Variants in PCBP2 observed in about 807,000 individuals in gnomAD.
PCBP2 encodes the protein poly(rC) binding protein 2.
PCBP2 carries 4 observed loss-of-function variants against 50.1 expected under a neutral mutation model. That is an observed-to-expected ratio of 0.08 (90% CI 0.04 to 0.18). The LOEUF is 0.18. PCBP2 is among the 10% of genes least tolerant of loss of function. PCBP2 has a pLI of 1.00. For synonymous variants in PCBP2, 179 were observed against 168.0 expected, an observed-to-expected ratio of 1.07 and a Z score of -0.51; for missense variants, 161 against 474.3, an observed-to-expected ratio of 0.34 and a Z score of 6.14.
At position 53,478,324 on chromosome 12, in the gene PCBP2, A is replaced by G. The variant is rs548183317; in HGVS notation, c.1053-1082A>G. Among the ~76,000 whole-genome samples, 182 of 152,068 alleles carry G rather than the reference A, an allele frequency of 1.2e-3. 1 individual carries two copies. The highest frequency in any genetic ancestry group is 4.5e-3 in the Admixed American group (68 of 15,272). On this transcript the variant is annotated intron_variant, in intron 14 of 14. Transcript: ENST00000546463. ...GAAGTTTGAGACCAGCCTGGCCAAC[A>G]TGGTGAAACTCTGTCTCTACTGAAA...
chr12:53,475,448 CTCT>C (rs1444846989), intron 14 of PCBP2: 7 of 285,262 alleles, frequency 2.5e-5, no homozygotes, highest in Admixed American at 5.0e-5. Context: ...CCACAGTTTT[CTCT>C]TCTTTCTTGT....
chr12:53,474,251 A>C (rs773600838), intron 14 of PCBP2, among the ~76,000 whole-genome samples: 2 of 152,216 alleles, frequency 1.3e-5, no homozygotes, highest in Non-Finnish European at 2.9e-5. Context: ...GTTCTTATCT[A>C]CACTTCTGTT....
At position 53,481,129 on chromosome 12, in the gene PCBP2, A is replaced by G. The variant is rs1943021580; in HGVS notation, c.*1687A>G. 3.0e-6 allele frequency: 2 copies of G among 671,240 alleles called. No individual in the cohort carries two copies. The highest frequency in any genetic ancestry group is 4.0e-6 in the Non-Finnish European group (2 of 494,678). The allele number at this position is 671,240 out of a possible 1,614,324, so 41.6% of individuals were successfully genotyped here. A position where few individuals can be genotyped will look rare whatever the true frequency, so the allele number is the denominator to read the frequency against. On this transcript the variant is annotated 3_prime_UTR_variant, in exon 15 of 15. Transcript: ENST00000546463. ...GGCGCATATATATATATATATGTAT[A>G]TATATATAATTTATATAAATATTTC...
At chr12:53,468,041 C>G (rs1404205393) in intron 12 of PCBP2, 198 bp downstream of exon 12, 1 of 586,960 alleles carries the variant, frequency 1.7e-6, no homozygotes, top group African/African-American at 1.9e-5. Flanking sequence ...AATGATGAGA[C>G]AGCAGCCATA....
intron 9 of PCBP2, among the ~76,000 whole-genome samples, chr12:53,465,360 G>A (rs1941745987): frequency 6.6e-6 from 1 of 152,140 alleles, no homozygotes; most frequent in South Asian, 2.1e-4. Context: ...GAGAAGACAG[G>A]AATTAGAACC....
At chr12:53,470,983 G>A (rs897542441) in intron 13 of PCBP2, among the ~76,000 whole-genome samples, 3 of 152,088 alleles carry the variant, frequency 2.0e-5, no homozygotes, top group Admixed American at 6.5e-5. Context: ...CAGAAATAAT[G>A]AAGAGCTAAT....
At chr12:53,472,751 A>G (rs1047824062) in intron 14 of PCBP2, among the ~76,000 whole-genome samples, 2 of 152,126 alleles carry the variant, frequency 1.3e-5, no homozygotes, top group Non-Finnish European at 1.5e-5. Flanking sequence ...GACCATGTAT[A>G]TATGCTATGG....
At chr12:53,473,088 CT>C (rs774571257) in intron 14 of PCBP2, among the ~76,000 whole-genome samples, 2,037 of 143,256 alleles carry the variant, frequency 0.014, 18 homozygotes, top group African/African-American at 0.042. Flanking sequence ...GTTTTTCTTT[CT>C]TTTTTTTTTT....
intron 6 of PCBP2, chr12:53,459,730 A>C (rs968448804): frequency 3.5e-6 from 1 of 282,528 alleles, no homozygotes; most frequent in Admixed American, 4.4e-5. Context: ...TATAGTAGCA[A>C]CGGTTTTTCT....
intron 14 of PCBP2, among the ~76,000 whole-genome samples, chr12:53,472,433 T>C (rs892561813): frequency 2.6e-5 from 4 of 152,194 alleles, no homozygotes; most frequent in African/African-American, 7.2e-5. Flanking sequence ...CCCTTATCCA[T>C]AGCTAGGTAG....
At position 53,464,861 on chromosome 12, in the gene PCBP2, G is replaced by A. The variant is rs1462194006; in HGVS notation, c.672+9G>A. On this transcript the variant is annotated intron_variant, in intron 9 of 14. Transcript: ENST00000546463. Reference sequence around the variant, plus strand: ...AGGGACCACCTCTAGAGGTGAGAGGGGATGTTCAGTCTCCAAGGCTCACTC... The same window carrying A: ...AGGGACCACCTCTAGAGGTGAGAGGAGATGTTCAGTCTCCAAGGCTCACTC... 1 of 1,595,182 alleles carries A rather than the reference G, an allele frequency of 6.3e-7. No individual in the cohort carries two copies. Among genetic ancestry groups the A allele is most frequent in the Non-Finnish European group, 8.5e-7 (1 of 1,173,664 alleles).
At position 53,452,646 on chromosome 12, in the gene PCBP2, G is replaced by T. The variant is rs530172820; in HGVS notation, c.-76+270G>T. ...GTCAGGGAGGGCGCGCGCGCGGTAG[G>T]GGGGGCGGCGGTGGATTTGTTGGTT... is the stretch of plus-strand genomic sequence containing the variant. On this transcript the variant is annotated intron_variant, in intron 1 of 14. Transcript: ENST00000546463. 2.7e-4 allele frequency among the ~76,000 whole-genome samples: 41 copies of T among 151,852 alleles called. 1 individual carries two copies. Among genetic ancestry groups the T allele is most frequent in the Admixed American group, 7.2e-4 (11 of 15,286 alleles).
At position 53,452,149 on chromosome 12, in the gene PCBP2, C is replaced by T. The variant is rs1385403475; in HGVS notation, c.-303C>T. Reference sequence around the variant, plus strand: ...CCGGAGCAGCCGCAGCCTGCGCCCTCTCCCGCCCGCCCGCCCTCCGCCCGC... The same window carrying T: ...CCGGAGCAGCCGCAGCCTGCGCCCTTTCCCGCCCGCCCGCCCTCCGCCCGC... On this transcript the variant is annotated 5_prime_UTR_variant, in exon 1 of 15. Coordinates refer to ENST00000546463, the MANE Select transcript of PCBP2 (RefSeq NM_031989.5). The T allele has an allele frequency of 2.2e-5, 3 of 138,036 alleles. No individual in the cohort carries two copies. The highest frequency in any genetic ancestry group is 5.3e-5 in the African/African-American group (2 of 38,080). The allele number at this position is 138,036 out of a possible 1,614,324, so 8.6% of individuals were successfully genotyped here. A position where few individuals can be genotyped will look rare whatever the true frequency, so the allele number is the denominator to read the frequency against.
intron 4 of PCBP2, 62 bp from the exon 5 acceptor site, chr12:53,455,823 G>C: frequency 2.7e-6 from 3 of 1,117,562 alleles, no homozygotes; most frequent in Non-Finnish European, 4.1e-6. Flanking sequence ...AGGGACTGTA[G>C]ATCCTGTACA....
intron 14 of PCBP2, among the ~76,000 whole-genome samples, chr12:53,472,077 G>GT (rs1942282130): frequency 6.6e-6 from 1 of 152,046 alleles, no homozygotes; most frequent in Admixed American, 6.6e-5. Flanking sequence ...CTTGTCTTCA[G>GT]TAAGAGTCCT....
At position 53,479,395 on chromosome 12, in the gene PCBP2, C is replaced by A. The variant is rs781727314; in HGVS notation, c.1053-11C>A. ...GGGGAAACTAACTGAGTTCTTGTTT[C>A]TGTGTTACAGGCTTTCCTCGGAGAC... On this transcript the variant is annotated splice_polypyrimidine_tract_variant and intron_variant, in intron 14 of 14. Coordinates refer to ENST00000546463, the MANE Select transcript of PCBP2 (RefSeq NM_031989.5). The A allele has an allele frequency of 1.9e-6, 3 of 1,613,760 alleles. No homozygotes were observed. Among genetic ancestry groups the A allele is most frequent in the South Asian group, 1.1e-5 (1 of 91,072 alleles).
chr12:53,475,565 T>G (rs539391436), intron 14 of PCBP2: 2 of 175,304 alleles, frequency 1.1e-5, no homozygotes, highest in Admixed American at 1.1e-4. Flanking sequence ...TTTTTTTTTT[T>G]AAGAATTATT....
At chr12:53,471,923 G>GT in intron 14 of PCBP2, 116 bp downstream of exon 14, 13 of 652,526 alleles carry the variant, frequency 2.0e-5, no homozygotes, top group Non-Finnish European at 2.9e-5. Flanking sequence ...ATGGCCAAAA[G>GT]GTTTTTTTTT....
chr12:53,453,274 C>A (rs1181670019), intron 1 of PCBP2: 1 of 148,636 alleles, frequency 6.7e-6, no homozygotes, highest in South Asian at 2.1e-4. Context: ...CCTATTACAT[C>A]TGCAAGAGGG....
Sources: allele counts gnomAD v4.1 joint callset (sites outside exome capture counted in the v4.1 genomes callset), GRCh38; gene constraint gnomAD v4.1.1; transcripts MANE v1.5; gene names NCBI Gene and HGNC (gene_info 2026-07-23, HGNC 2026-07-21).